CELF4: variants seen among roughly 807,000 people sequenced by gnomAD.
CELF4 encodes the protein CUGBP Elav-like family member 4.
In CELF4, 18 loss-of-function variants were observed where a neutral mutation model predicts 59.9. The observed-to-expected ratio is 0.30, with a 90% CI of 0.21 to 0.45. CELF4 has a LOEUF of 0.45. CELF4 is among the 20% of genes least tolerant of loss of function. The pLI, the probability that CELF4 is intolerant of heterozygous loss-of-function variation, is 1.00. For synonymous variants in CELF4, 261 were observed against 267.1 expected (o/e 0.98, Z 0.22); for missense variants, 456 against 689.0 (o/e 0.66, Z 3.79).
intron 2 of CELF4, among the ~76,000 whole-genome samples, chr18:37,377,395 A>G (rs1227350909): frequency 6.6e-6 from 1 of 152,210 alleles, no homozygotes; most frequent in Non-Finnish European, 1.5e-5. Context: ...AAAAAGAAAC[A>G]GAAGGAAGAA....
chr18:37,565,540 G>C lies in CELF4; in HGVS notation c.102C>G (p.Asn34Lys). 1 of 1,614,142 alleles carries C rather than the reference G, an allele frequency of 6.2e-7. No homozygotes were observed. The highest frequency in any genetic ancestry group is 1.1e-5 in the South Asian group (1 of 91,070). The change falls in exon 1 of 13, where the codon AAC (asparagine) becomes AAG (lysine). Residue 34 changes from asparagine (N) to lysine (K), a missense_variant. Coordinates refer to ENST00000420428, the MANE Select transcript of CELF4 (RefSeq NM_020180.4). ...GGTTCCCCGGGCTGTGGCTTAATCC[G>C]TTCATGTGCCCGGCACTGCCCGGGC... The part of the protein sequence containing the change: ...GSSPGSAGHM[N>K]GLSHSPGNPS...
intron 12 of CELF4, among the ~76,000 whole-genome samples, chr18:37,252,109 A>C (rs1274010013): frequency 2.0e-5 from 3 of 152,080 alleles, no homozygotes; most frequent in African/African-American, 7.2e-5. Flanking sequence ...GTACCCCAGC[A>C]CTGGGTGGAA....
intron 3 of CELF4, among the ~76,000 whole-genome samples, chr18:37,319,577 A>G (rs1344566572): frequency 6.6e-6 from 1 of 152,182 alleles, no homozygotes; most frequent in Non-Finnish European, 1.5e-5. Flanking sequence ...GACTGAGGGG[A>G]TGAAGGAGTG....
intron 2 of CELF4, among the ~76,000 whole-genome samples, chr18:37,427,068 A>AC: frequency 6.7e-6 from 1 of 150,264 alleles, no homozygotes; most frequent in Non-Finnish European, 1.5e-5. Context: ...ACCCTGGGTG[A>AC]AGCCCACCAT....
At chr18:37,307,402 T>C (rs889108938) in intron 3 of CELF4, among the ~76,000 whole-genome samples, 1 of 152,168 alleles carries the variant, frequency 6.6e-6, no homozygotes, top group Non-Finnish European at 1.5e-5. Flanking sequence ...AATTAAAACA[T>C]GCATGATAAA....
In CELF4 at chr18:37,253,122, G is replaced by GT. The variant is rs1450945602; in HGVS notation, c.*44+644dup. Among the ~76,000 whole-genome samples the GT allele has an allele frequency of 6.6e-6, 1 of 152,142 alleles. No individual in the cohort carries two copies. Among genetic ancestry groups the GT allele is most frequent in the Non-Finnish European group, 1.5e-5 (1 of 68,014 alleles). On this transcript the variant is annotated intron_variant, in intron 12 of 12. Transcript: ENST00000420428. This position sits in a 1 kb window ranked among gnomAD's most constrained non-coding sequence, Gnocchi z 4.5. The stretch of plus-strand genomic sequence containing the variant: ...GGCAGGACCCAGCCCAGCAGAAAAG[G>GT]TAACAACGACCACTCATCATGACCC...
chr18:37,323,681 A>G (rs1352235308), intron 2 of CELF4, among the ~76,000 whole-genome samples: 1 of 152,036 alleles, frequency 6.6e-6, no homozygotes, highest in Non-Finnish European at 1.5e-5. Flanking sequence ...TCTCCCCCAA[A>G]CAGGTCTTAA....
At chr18:37,544,687 G>C (rs1008903778) in intron 1 of CELF4, among the ~76,000 whole-genome samples, 1 of 152,212 alleles carries the variant, frequency 6.6e-6, no homozygotes, top group African/African-American at 2.4e-5. Context: ...TCCACTTCCT[G>C]CAAGTGGGGA....
At chr18:37,504,804 G>A (rs1256183175) in intron 1 of CELF4, among the ~76,000 whole-genome samples, 3 of 152,220 alleles carry the variant, frequency 2.0e-5, no homozygotes, top group Non-Finnish European at 4.4e-5. Context: ...ATCCTCGAGA[G>A]GTGAGGTCAG....
intron 2 of CELF4, among the ~76,000 whole-genome samples, chr18:37,418,929 T>C (rs1375901122): frequency 6.6e-6 from 1 of 152,230 alleles, no homozygotes; most frequent in Non-Finnish European, 1.5e-5. Context: ...TCTTCTGGAA[T>C]ACTGAGCTGA....
chr18:37,489,698 T>A (rs912976671), intron 1 of CELF4, among the ~76,000 whole-genome samples: 1 of 152,192 alleles, frequency 6.6e-6, no homozygotes, highest in South Asian at 2.1e-4. Flanking sequence ...CCCAGAGACA[T>A]CCCTGGCGGG....
chr18:37,340,130 G>C (rs547684984), intron 2 of CELF4, among the ~76,000 whole-genome samples: 1 of 152,334 alleles, frequency 6.6e-6, no homozygotes, highest in East Asian at 1.9e-4. Flanking sequence ...GGGGGGCACT[G>C]ATAGGAAAAT....
intron 9 of CELF4, 132 bp from the exon 10 acceptor site, chr18:37,264,889 A>G (rs1275245711): frequency 4.4e-6 from 3 of 688,798 alleles, no homozygotes; most frequent in South Asian, 3.5e-5. Flanking sequence ...GCCACTTAGG[A>G]CAAAGCCAGC....
At chr18:37,366,966 A>G (rs995292563) in intron 2 of CELF4, among the ~76,000 whole-genome samples, 1 of 152,046 alleles carries the variant, frequency 6.6e-6, no homozygotes, top group Non-Finnish European at 1.5e-5. Flanking sequence ...TTTACAGAAA[A>G]CACCATTGAA....
Position 37,270,878 on chromosome 18 carries a change from G to A in CELF4, c.989C>T (p.Pro330Leu). The change falls in exon 8 of 13, where the codon CCT (proline) becomes CTT (leucine). Residue 330 changes from proline to leucine, a missense_variant. Physicochemically the swap from Pro to Leu is moderately conservative, Grantham distance 98. Around this residue, in one of 7 missense-constraint regions of CELF4, gnomAD observed 256 missense variants for 340.8 expected, o/e 0.75. Coordinates refer to ENST00000420428, the MANE Select transcript of CELF4 (RefSeq NM_020180.4). ...TPPGITAPAVPSIPSPIGVNG... is the reference protein window; with the variant it reads ...TPPGITAPAVLSIPSPIGVNG... ...CACCCCAATGGGGGATGGGATGCTA[G>A]GCACGGCTGGTGCAGTGATGCCCGG... The A allele has an allele frequency of 6.2e-7, 1 of 1,613,404 alleles. No individual in the cohort carries two copies.
intron 2 of CELF4, among the ~76,000 whole-genome samples, chr18:37,416,171 T>C (rs1161751344): frequency 2.9e-5 from 4 of 137,582 alleles, no homozygotes; most frequent in African/African-American, 2.7e-5. Flanking sequence ...CTTGGGGCCA[T>C]TTGAGGTCAT....
At chr18:37,327,665 C>T (rs552444600) in intron 2 of CELF4, among the ~76,000 whole-genome samples, 17 of 152,202 alleles carry the variant, frequency 1.1e-4, no homozygotes, top group South Asian at 4.2e-4. Flanking sequence ...CAGGGGGGAG[C>T]GGGGAGGCAA....
chr18:37,490,522 T>C (rs79184407), intron 1 of CELF4, among the ~76,000 whole-genome samples: 1,935 of 152,286 alleles, frequency 0.013, 30 homozygotes, highest in South Asian at 0.032. Context: ...GCAAATATAC[T>C]TCATGAGGGA....
At chr18:37,334,321 T>C (rs964499024) in intron 2 of CELF4, among the ~76,000 whole-genome samples, 2 of 152,188 alleles carry the variant, frequency 1.3e-5, no homozygotes, top group Non-Finnish European at 2.9e-5. Flanking sequence ...GGTTTCAGTG[T>C]CTTTCTTCTA....
Sources: allele counts gnomAD v4.1 joint callset (sites outside exome capture counted in the v4.1 genomes callset), GRCh38; gene constraint gnomAD v4.1.1; regional missense constraint gnomAD v4.1.1; non-coding constraint Gnocchi (gnomAD v3.1); transcripts MANE v1.5; gene names NCBI Gene and HGNC (gene_info 2026-07-23, HGNC 2026-07-21).